The following CSMD1 variants were observed in gnomAD, a reference collection of about 807,000 sequenced individuals.
The protein encoded by CSMD1 is CUB and Sushi multiple domains 1.
CSMD1 carries 213 observed loss-of-function variants against 417.5 expected under a neutral mutation model. That is an observed-to-expected ratio of 0.51 (90% CI 0.46 to 0.57). CSMD1 has a LOEUF of 0.57. Ranked by LOEUF, CSMD1 falls within the 20% of genes least tolerant of loss-of-function variation. CSMD1 has a pLI of 0.00. For missense variants in CSMD1, 6,923 were observed against 4,529.7 expected (o/e 1.53, Z -15.17); for synonymous variants, 2,862 against 1,736.8 (o/e 1.65, Z -16.11).
intron 3 of CSMD1, among the ~76,000 whole-genome samples, chr8:4,284,942 G>C (rs941204943): frequency 6.6e-6 from 1 of 152,106 alleles, no homozygotes; most frequent in Non-Finnish European, 1.5e-5. Context: ...TTACCTGTAA[G>C]ACCTTGGGCA....
At chr8:4,432,850 A>C (rs1051572463) in intron 2 of CSMD1, among the ~76,000 whole-genome samples, 6 of 152,206 alleles carry the variant, frequency 3.9e-5, no homozygotes, top group Non-Finnish European at 8.8e-5. Flanking sequence ...GTTGTATACC[A>C]AGGGTCTCCA....
chr8:4,227,259 G>A (rs1347406735), intron 3 of CSMD1, among the ~76,000 whole-genome samples: 2 of 152,126 alleles, frequency 1.3e-5, no homozygotes, highest in African/African-American at 2.4e-5. Context: ...CAACATGGAC[G>A]AGCAAGATGG....
At chr8:4,531,305 C>T (rs145118560) in intron 2 of CSMD1, among the ~76,000 whole-genome samples, 23 of 152,224 alleles carry the variant, frequency 1.5e-4, no homozygotes, top group Non-Finnish European at 2.4e-4. Flanking sequence ...CCCGATGTGC[C>T]GTGGAATGTA....
intron 5 of CSMD1, among the ~76,000 whole-genome samples, chr8:3,935,185 A>G (rs533056079): frequency 1.6e-3 from 251 of 152,330 alleles, no homozygotes; most frequent in African/African-American, 5.2e-3. Flanking sequence ...TCTCCAAGAA[A>G]GTTCTTACTA....
intron 20 of CSMD1, among the ~76,000 whole-genome samples, chr8:3,361,699 G>A (rs920975250): frequency 1.3e-5 from 2 of 149,460 alleles, no homozygotes; most frequent in South Asian, 2.1e-4. Context: ...TGCCAAACAG[G>A]AGAATATTTT....
chr8:3,703,847 G>C (rs962998517), intron 7 of CSMD1, among the ~76,000 whole-genome samples: 1 of 152,168 alleles, frequency 6.6e-6, no homozygotes, highest in Non-Finnish European at 1.5e-5. Context: ...AAGGCAGGAA[G>C]ATCACCTGAG....
intron 3 of CSMD1, among the ~76,000 whole-genome samples, chr8:4,263,420 A>G (rs936823631): frequency 6.6e-6 from 1 of 152,226 alleles, no homozygotes; most frequent in African/African-American, 2.4e-5. Flanking sequence ...TCAGGTAAAC[A>G]AAAACATCGT....
chr8:3,738,104 G>T (rs116883032), intron 6 of CSMD1, among the ~76,000 whole-genome samples: 203 of 152,134 alleles, frequency 1.3e-3, no homozygotes, highest in South Asian at 2.3e-3. Flanking sequence ...GCACTGTGTG[G>T]GCTCTAACAT....
At chr8:4,361,517 G>C (rs958273259) in intron 3 of CSMD1, among the ~76,000 whole-genome samples, 1 of 152,142 alleles carries the variant, frequency 6.6e-6, no homozygotes, top group South Asian at 2.1e-4. Flanking sequence ...AGGCCTGCAA[G>C]ATCAGGTAAC....
chr8:4,766,733 C>T (rs190359540), intron 1 of CSMD1, among the ~76,000 whole-genome samples: 2 of 152,210 alleles, frequency 1.3e-5, no homozygotes, highest in Admixed American at 6.5e-5. Flanking sequence ...CTCCACTAAT[C>T]CTACGGTGTT....
chr8:3,087,374 G>C, intron 48 of CSMD1, 89 bp from the exon 49 acceptor site: 1 of 1,333,078 alleles, frequency 7.5e-7, no homozygotes, highest in Non-Finnish European at 1.1e-6. Context: ...TAAATGAATG[G>C]CTTCTCATTT....
intron 57 of CSMD1, among the ~76,000 whole-genome samples, chr8:2,971,646 C>T (rs2128932224): frequency 6.6e-6 from 1 of 152,288 alleles, no homozygotes; most frequent in Middle Eastern, 3.4e-3. Context: ...AGAAAACACT[C>T]TGGTTTTGGT....
At chr8:4,071,041 G>C (rs924946126) in intron 3 of CSMD1, among the ~76,000 whole-genome samples, 1 of 152,086 alleles carries the variant, frequency 6.6e-6, no homozygotes, top group Non-Finnish European at 1.5e-5. Context: ...TGTCTCTTTT[G>C]AAGCAGTTTG....
intron 5 of CSMD1, among the ~76,000 whole-genome samples, chr8:3,922,434 T>A (rs923409997): frequency 1.3e-5 from 2 of 152,118 alleles, no homozygotes; most frequent in Non-Finnish European, 2.9e-5. Flanking sequence ...CTTGGACTGT[T>A]TCATCATTAA....
chr8:4,676,414 C>G (rs1415375847), intron 1 of CSMD1, among the ~76,000 whole-genome samples: 2 of 152,162 alleles, frequency 1.3e-5, no homozygotes, highest in Non-Finnish European at 2.9e-5. Flanking sequence ...ACCCCTCAAC[C>G]ACTTCTGGGA....
chr8:4,639,872 C>T (rs539958953), intron 1 of CSMD1, among the ~76,000 whole-genome samples: 12 of 151,972 alleles, frequency 7.9e-5, no homozygotes, highest in Non-Finnish European at 1.6e-4. Flanking sequence ...TAATAAAAAG[C>T]CCATTTTCCA....
At chr8:4,446,970 G>T (rs936331636) in intron 2 of CSMD1, among the ~76,000 whole-genome samples, 1 of 151,542 alleles carries the variant, frequency 6.6e-6, no homozygotes, top group East Asian at 1.9e-4. Context: ...TACAAAAACA[G>T]CAGGAGATGA....
At chr8:3,156,544 G>A (rs147766621) in intron 39 of CSMD1, among the ~76,000 whole-genome samples, 1 of 152,144 alleles carries the variant, frequency 6.6e-6, no homozygotes, top group Admixed American at 6.5e-5. Flanking sequence ...CCAGGGTAGA[G>A]ATGACTCACT....
intron 2 of CSMD1, among the ~76,000 whole-genome samples, chr8:4,557,150 T>G (rs1466147613): frequency 6.6e-6 from 1 of 152,216 alleles, no homozygotes; most frequent in East Asian, 1.9e-4. Flanking sequence ...ATTTTGCTTT[T>G]CCTTCCTGCT....
Sources: allele counts gnomAD v4.1 joint callset (sites outside exome capture counted in the v4.1 genomes callset), GRCh38; gene constraint gnomAD v4.1.1; transcripts MANE v1.5; gene names NCBI Gene and HGNC (gene_info 2026-07-23, HGNC 2026-07-21).